NOL4L: variants seen among roughly 807,000 people sequenced by gnomAD.
NOL4L encodes the protein nucleolar protein 4 like.
NOL4L carries 7 observed loss-of-function variants against 64.5 expected under a neutral mutation model. That is an observed-to-expected ratio of 0.11 (90% CI 0.06 to 0.20). The LOEUF (loss-of-function observed/expected upper bound fraction) is 0.20. NOL4L is among the 10% of genes least tolerant of loss of function. NOL4L has a pLI of 1.00. For missense variants in NOL4L, 680 were observed against 967.1 expected (o/e 0.70, Z 3.94); for synonymous variants, 413 against 401.0 (o/e 1.03, Z -0.36).
intron 1 of NOL4L, among the ~76,000 whole-genome samples, chr20:32,545,043 C>A (rs2145600930): frequency 6.6e-6 from 1 of 152,218 alleles, no homozygotes; most frequent in South Asian, 2.1e-4. Flanking sequence ...AGGTCTCAGG[C>A]CAAGTGGGGT....
chr20:32,447,805 G>A lies in NOL4L; in HGVS notation c.1834C>T (p.Leu612Phe). ...TGNHSNGPTDLSMKGGASTTS... is the reference protein window; with the variant it reads ...TGNHSNGPTDFSMKGGASTTS... ...GTAGAGGCCCCGCCTTTCATGCTGA[G>A]GTCCGTGGGCCCTGTGGAGAGGGAA... Residue 612 changes from leucine to phenylalanine, a missense_variant, in exon 11 of 11, where the codon CTC becomes TTC. Leu to Phe is a conservative substitution (Grantham distance 22). Coordinates refer to ENST00000621426, the MANE Select transcript of NOL4L (RefSeq NM_001256798.2). The A allele has an allele frequency of 6.4e-7, 1 of 1,562,272 alleles. No individual in the cohort carries two copies. The highest frequency in any genetic ancestry group is 8.7e-7 in the Non-Finnish European group (1 of 1,151,062).
intron 4 of NOL4L, among the ~76,000 whole-genome samples, chr20:32,489,356 TTTTA>T (rs2016361540): frequency 6.6e-6 from 1 of 151,896 alleles, no homozygotes; most frequent in Admixed American, 6.6e-5. Context: ...ATCTTTTATC[TTTTA>T]TTTTTTATTT....
chr20:32,522,528 C>CT (rs1405731620), intron 2 of NOL4L, among the ~76,000 whole-genome samples: 1 of 152,250 alleles, frequency 6.6e-6, no homozygotes, highest in African/African-American at 2.4e-5. Context: ...GGCCACCACT[C>CT]TACCCCTGGA....
At chr20:32,481,971 G>GGC (rs1555794925) in intron 4 of NOL4L, among the ~76,000 whole-genome samples, 6 of 148,804 alleles carry the variant, frequency 4.0e-5, no homozygotes, top group East Asian at 4.0e-4. Flanking sequence ...GGGCGGGGGG[G>GGC]GGGGAGCAGG....
In NOL4L at chr20:32,507,635, G is replaced by A. The variant is rs181257856; in HGVS notation, c.699+3712C>T. On this transcript the variant is annotated intron_variant, in intron 4 of 10. Coordinates refer to ENST00000621426, the MANE Select transcript of NOL4L (RefSeq NM_001256798.2). ...ATCTTACCATTTGTCTCTTGGATAC[G>A]TGATGTTGGAAATAAACAGATTATT... Among the ~76,000 whole-genome samples the A allele has an allele frequency of 5.9e-5, 9 of 152,228 alleles. No homozygotes were observed. In the East Asian group the frequency reaches 1.2e-3, roughly 20 times the overall value.
Position 32,523,180 on chromosome 20 carries a change from A to C in NOL4L, c.478-2258T>G, listed in dbSNP as rs894279086. On this transcript the variant is annotated intron_variant, in intron 2 of 10. Coordinates refer to ENST00000621426, the MANE Select transcript of NOL4L (RefSeq NM_001256798.2). Reference sequence around the variant, plus strand: ...ACAGGGAGGGGAGTGCTGAGCACACACCTTCTGGCCCTGGGTCCCATTGAT... The same window carrying C: ...ACAGGGAGGGGAGTGCTGAGCACACCCCTTCTGGCCCTGGGTCCCATTGAT... Among the ~76,000 whole-genome samples, 13 of 152,192 alleles carry C rather than the reference A, an allele frequency of 8.5e-5. No individual in the cohort carries two copies. The East Asian group carries it at 2.5e-3, about 30-fold the overall frequency.
chr20:32,581,117 T>G (rs967257628), intron 1 of NOL4L, among the ~76,000 whole-genome samples: 6 of 152,136 alleles, frequency 3.9e-5, no homozygotes, highest in African/African-American at 1.4e-4. Context: ...AAAGAGATCT[T>G]ATCCCCACCA....
In NOL4L at chr20:32,468,672, G is replaced by A. The variant is rs147738310; in HGVS notation, c.841+5929C>T. ...TCCCTGCATTTTGGGAGGCCGAGGCGGGCAGATCATGAGGTCAGGAGTTTC... is the reference window on the plus strand; with the variant it reads ...TCCCTGCATTTTGGGAGGCCGAGGCAGGCAGATCATGAGGTCAGGAGTTTC... On this transcript the variant is annotated intron_variant, in intron 5 of 10. Coordinates refer to ENST00000621426, the MANE Select transcript of NOL4L (RefSeq NM_001256798.2). Among the ~76,000 whole-genome samples the A allele has an allele frequency of 9.6e-3, 1,467 of 152,048 alleles. 11 individuals are homozygous for A. The highest frequency in any genetic ancestry group is 0.016 in the Non-Finnish European group (1,082 of 67,984).
chr20:32,539,335 C>T (rs2018613416), intron 1 of NOL4L, among the ~76,000 whole-genome samples: 1 of 152,188 alleles, frequency 6.6e-6, no homozygotes. Context: ...TTAGAACAGC[C>T]ACTTCCCTTC....
intron 5 of NOL4L, among the ~76,000 whole-genome samples, chr20:32,461,925 CCCCT>C (rs2014108771): frequency 6.6e-6 from 1 of 151,998 alleles, no homozygotes; most frequent in African/African-American, 2.4e-5. Context: ...CTCCTGCTGC[CCCCT>C]AGATCACACC....
In NOL4L at chr20:32,472,796, G is replaced by A. The variant is rs947900653; in HGVS notation, c.841+1805C>T. ...ATGAGTGTCTCGGAGGGGACAGTGAGGCCCACGGCCCTGTGGTCAACAGCA... is the reference window on the plus strand; with the variant it reads ...ATGAGTGTCTCGGAGGGGACAGTGAAGCCCACGGCCCTGTGGTCAACAGCA... On this transcript the variant is annotated intron_variant, in intron 5 of 10. Transcript: ENST00000621426. Among the ~76,000 whole-genome samples, 12 of 152,254 alleles carry A rather than the reference G, an allele frequency of 7.9e-5. No homozygotes were observed. In the East Asian group the frequency reaches 1.9e-3, roughly 25 times the overall value.
At chr20:32,558,623 T>A (rs1038238037) in intron 1 of NOL4L, among the ~76,000 whole-genome samples, 2 of 152,090 alleles carry the variant, frequency 1.3e-5, no homozygotes, top group Non-Finnish European at 2.9e-5. Flanking sequence ...CTGACAGCCG[T>A]AACGGAGGAT....
chr20:32,471,972 T>C (rs1445102942), intron 5 of NOL4L, among the ~76,000 whole-genome samples: 2 of 152,194 alleles, frequency 1.3e-5, no homozygotes, highest in Admixed American at 1.3e-4. Flanking sequence ...ACCTCTTTTC[T>C]TTATAAATTA....
chr20:32,502,346 A>G (rs957818284), intron 4 of NOL4L, among the ~76,000 whole-genome samples: 1 of 152,006 alleles, frequency 6.6e-6, no homozygotes, highest in Non-Finnish European at 1.5e-5. Flanking sequence ...TAATCCCAGC[A>G]CTTTGGGAGG....
At chr20:32,552,087 C>T (rs1359685321) in intron 1 of NOL4L, among the ~76,000 whole-genome samples, 1 of 152,024 alleles carries the variant, frequency 6.6e-6, no homozygotes, top group Non-Finnish European at 1.5e-5. Context: ...CTATGCTCAG[C>T]CTGAATCATA....
Position 32,480,637 on chromosome 20 carries a change from C to T in NOL4L, c.700-5895G>A, listed in dbSNP as rs55829681. On this transcript the variant is annotated intron_variant, in intron 4 of 10. Coordinates refer to ENST00000621426, the MANE Select transcript of NOL4L (RefSeq NM_001256798.2). ...TCTCCATGTCAGCGAGCATTACACA[C>T]GCAGCCTTCTGAGCATGCCAAGAAG... Among the ~76,000 whole-genome samples, 259 of 152,322 alleles carry T rather than the reference C, an allele frequency of 1.7e-3. 1 individual carries two copies. The highest frequency in any genetic ancestry group is 5.4e-3 in the African/African-American group (225 of 41,560).
chr20:32,511,195 T>C, intron 4 of NOL4L, 152 bp downstream of exon 4: 1 of 566,118 alleles, frequency 1.8e-6, no homozygotes, highest in Non-Finnish European at 3.2e-6. Context: ...GCCTCCCGCC[T>C]CTCCGCCTGG....
chr20:32,461,984 G>A (rs1393791874), intron 5 of NOL4L, among the ~76,000 whole-genome samples: 1 of 152,010 alleles, frequency 6.6e-6, no homozygotes, highest in Admixed American at 6.5e-5. Flanking sequence ...GCTCGCCGGG[G>A]TGAGTGCATG....
chr20:32,468,900 C>CAAA (rs555969764), intron 5 of NOL4L, among the ~76,000 whole-genome samples: 36 of 95,286 alleles, frequency 3.8e-4, no homozygotes, highest in Non-Finnish European at 5.3e-4. Flanking sequence ...GACTCCATCT[C>CAAA]AAAAAAAAAA....
Sources: allele counts gnomAD v4.1 joint callset (sites outside exome capture counted in the v4.1 genomes callset), GRCh38; gene constraint gnomAD v4.1.1; transcripts MANE v1.5; gene names NCBI Gene and HGNC (gene_info 2026-07-23, HGNC 2026-07-21).